The following LAMTOR1 variants were observed in gnomAD, a reference collection of about 807,000 sequenced individuals.
The protein encoded by LAMTOR1 is ragulator complex protein LAMTOR1.
A neutral mutation model predicts 20.5 loss-of-function variants in LAMTOR1; 8 were observed. That is an observed-to-expected ratio of 0.39 (90% CI 0.23 to 0.70). LAMTOR1 has a LOEUF of 0.70. Among genes scored for constraint, LAMTOR1 ranks in the 30% least tolerant of loss-of-function variants. LAMTOR1 has a pLI of 0.43. For synonymous variants in LAMTOR1, 77 were observed against 80.9 expected, an observed-to-expected ratio of 0.95 and a Z score of 0.26; for missense variants, 135 against 206.2, an observed-to-expected ratio of 0.65 and a Z score of 2.11.
intron 1 of LAMTOR1, 150 bp downstream of exon 1, chr11:72,103,033 C>T: frequency 9.3e-7 from 1 of 1,076,634 alleles, no homozygotes; most frequent in Non-Finnish European, 1.4e-6. Flanking sequence ...AGGAGCCCGG[C>T]TTGGCGTCTC....
Position 72,103,283 on chromosome 11 carries a change from C to T in LAMTOR1, c.-59G>A, listed in dbSNP as rs1051260647. 2.0e-6 allele frequency: 3 copies of T among 1,531,062 alleles called. No individual in the cohort carries two copies. Among genetic ancestry groups the T allele is most frequent in the Non-Finnish European group, 2.6e-6 (3 of 1,138,596 alleles). The allele number at this position is 1,531,062 out of a possible 1,614,324, so 94.8% of individuals were successfully genotyped here. A position where few individuals can be genotyped will look rare whatever the true frequency, so the allele number is the denominator to read the frequency against. On this transcript the variant is annotated 5_prime_UTR_variant, in exon 1 of 5. Coordinates refer to ENST00000278671, the MANE Select transcript of LAMTOR1 (RefSeq NM_017907.3). ...GAGGAGGGACGGCGTCCGTGAGGAG[C>T]CCTTCCGGTCACATGACCCGCGGCG...
At chr11:72,102,641 A>G (rs751003174) in intron 1 of LAMTOR1, among the ~76,000 whole-genome samples, 1 of 152,104 alleles carries the variant, frequency 6.6e-6, no homozygotes, top group Non-Finnish European at 1.5e-5. Context: ...CGATGTCCTC[A>G]CTGTATCGAT....
intron 1 of LAMTOR1, among the ~76,000 whole-genome samples, chr11:72,099,977 C>T (rs1305808286): frequency 6.6e-6 from 1 of 152,150 alleles, no homozygotes; most frequent in Non-Finnish European, 1.5e-5. Flanking sequence ...AGCAGTACAG[C>T]TGTAGCCATG....
chr11:72,100,679 C>G lies in LAMTOR1; in HGVS notation c.43-1423G>C, dbSNP rs549933373. On this transcript the variant is annotated intron_variant, in intron 1 of 4. Transcript: ENST00000278671. ...TCAATGCTCCCCTCCAGGCCTATCT[C>G]AGTTCCTCAGTCTTTCCTGCTGCAG... 3.3e-5 allele frequency: 5 copies of G among 152,770 alleles called. No individual in the cohort carries two copies. The East Asian group carries it at 9.6e-4, about 29-fold the overall frequency. The allele number at this position is 152,770 out of a possible 1,614,324, so 9.5% of individuals were successfully genotyped here.
At position 72,097,383 on chromosome 11, in the gene LAMTOR1, A is replaced by T; in HGVS notation, c.*439T>A. On this transcript the variant is annotated 3_prime_UTR_variant, in exon 5 of 5. Transcript: ENST00000278671. ...CCCAGGGTTCTAGAAATACAAACTC[A>T]ATTCATTCAAATTCAAGCTCATCCA... 1 of 999,386 alleles carries T rather than the reference A, an allele frequency of 1.0e-6. No homozygotes were observed. Among genetic ancestry groups the T allele is most frequent in the Non-Finnish European group, 1.2e-6 (1 of 837,682 alleles). 61.9% of individuals were successfully genotyped at this position (999,386 alleles called of 1,614,324 possible).
chr11:72,101,778 AAGG>A (rs1945450162), intron 1 of LAMTOR1, among the ~76,000 whole-genome samples: 1 of 152,074 alleles, frequency 6.6e-6, no homozygotes. Context: ...AGAGCCCCCC[AAGG>A]AGAAGGTAGA....
In LAMTOR1 at chr11:72,099,260, G is replaced by GTCC; in HGVS notation, c.43-5_43-4insGGA. On this transcript the variant is annotated splice_polypyrimidine_tract_variant and splice_region_variant and intron_variant, in intron 1 of 4. Transcript: ENST00000278671. Reference sequence around the variant, plus strand: ...GCAGCTTCCGCTCCTCTCGGTCCTAGAAGTGGTCATGGGAGAGAAGTCAGC... The same window carrying GTCC: ...GCAGCTTCCGCTCCTCTCGGTCCTAGTCCAAGTGGTCATGGGAGAGAAGTCAGC... 1 of 1,556,072 alleles carries GTCC rather than the reference G, an allele frequency of 6.4e-7. No homozygotes were observed. Among genetic ancestry groups the GTCC allele is most frequent in the South Asian group, 1.2e-5 (1 of 82,956 alleles).
chr11:72,099,656 C>A (rs1349409165), intron 1 of LAMTOR1, among the ~76,000 whole-genome samples: 1 of 152,182 alleles, frequency 6.6e-6, no homozygotes, highest in Non-Finnish European at 1.5e-5. Context: ...AAGTCAAGAG[C>A]CCAAGAACAG....
At position 72,098,272 on chromosome 11, in the gene LAMTOR1, G is replaced by A; in HGVS notation, c.393+17C>T. 2 of 1,613,402 alleles carry A rather than the reference G, an allele frequency of 1.2e-6. No homozygotes were observed. The highest frequency in any genetic ancestry group is 1.7e-6 in the Non-Finnish European group (2 of 1,179,832). On this transcript the variant is annotated intron_variant, in intron 4 of 4. Transcript: ENST00000278671. Reference sequence around the variant, plus strand: ...AGTGTGAGAAGGGTGGGCAGGGGCAGGTGAGGGGTGTCTCACCTGCTGCAA... The same window carrying A: ...AGTGTGAGAAGGGTGGGCAGGGGCAAGTGAGGGGTGTCTCACCTGCTGCAA...
chr11:72,098,151 A>G, intron 4 of LAMTOR1, 138 bp downstream of exon 4: 1 of 1,164,920 alleles, frequency 8.6e-7, no homozygotes, highest in Non-Finnish European at 1.2e-6. Context: ...ACGAGGTGGG[A>G]GGGAGCTGGG....
chr11:72,098,600 G>C (rs1945322595), intron 3 of LAMTOR1, 181 bp downstream of exon 3: 5 of 829,378 alleles, frequency 6.0e-6, no homozygotes, highest in Admixed American at 5.6e-5. Context: ...GCCCTCAAGA[G>C]TGTCACAGGG....
intron 1 of LAMTOR1, among the ~76,000 whole-genome samples, chr11:72,102,112 T>C (rs1186838179): frequency 6.6e-6 from 1 of 152,208 alleles, no homozygotes; most frequent in African/African-American, 2.4e-5. Context: ...TTCCTAGGCT[T>C]AAGCCCTTAA....
chr11:72,099,291 G>T (rs762937488), intron 1 of LAMTOR1, 35 bp from the exon 2 acceptor site: 4 of 1,517,968 alleles, frequency 2.6e-6, no homozygotes. Flanking sequence ...TCAGCCCCAG[G>T]ACCCGTAGAT....
At chr11:72,098,472 G>C (rs1945317980) in intron 3 of LAMTOR1, 57 bp from the exon 4 acceptor site, 1 of 1,558,816 alleles carries the variant, frequency 6.4e-7, no homozygotes, top group East Asian at 2.3e-5. Context: ...GCCCTGCCCA[G>C]CCCAGGTAAG....
At position 72,098,852 on chromosome 11, in the gene LAMTOR1, G is replaced by T. The variant is rs1178822050; in HGVS notation, c.195C>A (p.Ile65=). ...SSILAKTASN[I]IDVSAADSQG... ...GTGAGTCTGCAGCAGACACATCAAT[G>T]ATGTTGCTATGGGGAGAGGAGACAG... The change falls in exon 3 of 5, where the codon ATC becomes ATA. Residue 65 remains isoleucine, a synonymous_variant. Transcript: ENST00000278671. 1 of 1,549,848 alleles carries T rather than the reference G, an allele frequency of 6.5e-7. No individual in the cohort carries two copies. The highest frequency in any genetic ancestry group is 1.4e-5 in the African/African-American group (1 of 73,004).
chr11:72,097,304 CT>C lies in LAMTOR1; in HGVS notation c.*517del. On this transcript the variant is annotated 3_prime_UTR_variant, in exon 5 of 5. Coordinates refer to ENST00000278671, the MANE Select transcript of LAMTOR1 (RefSeq NM_017907.3). Reference sequence around the variant, plus strand: ...CAGAACCAGCACATGGATGAATATACTTCCTTTATCGAGGGTGACAAACCAA... The same window carrying C: ...CAGAACCAGCACATGGATGAATATACTCCTTTATCGAGGGTGACAAACCAA... 6 of 995,206 alleles carry C rather than the reference CT, an allele frequency of 6.0e-6. No individual in the cohort carries two copies. The highest frequency in any genetic ancestry group is 7.2e-6 in the Non-Finnish European group (6 of 834,916). 61.6% of individuals were successfully genotyped at this position (995,206 alleles called of 1,614,324 possible).
At chr11:72,099,628 T>C (rs1945366051) in intron 1 of LAMTOR1, among the ~76,000 whole-genome samples, 1 of 152,180 alleles carries the variant, frequency 6.6e-6, no homozygotes, top group Non-Finnish European at 1.5e-5. Context: ...CACTGGGATC[T>C]AAAGGGGAAA....
At chr11:72,098,001 G>T in intron 4 of LAMTOR1, 87 bp from the exon 5 acceptor site, 1 of 1,446,636 alleles carries the variant, frequency 6.9e-7, no homozygotes, top group South Asian at 1.4e-5. Flanking sequence ...ATTAGATGGT[G>T]ATGGAGAAGG....
chr11:72,098,337 G>A lies in LAMTOR1; in HGVS notation c.345C>T (p.Pro115=), dbSNP rs368224100. ...TGGGCTCACTGGCCAGCACTTGGTG[G>A]GGCTGGCTGGTAAGAGACGGCAGCG... ...LPPLPSLTSQ[P]HQVLASEPIP... is the part of the protein sequence containing the mutation. Residue 115 remains proline (P), a synonymous_variant, in exon 4 of 5, where the codon CCC becomes CCT. Coordinates refer to ENST00000278671, the MANE Select transcript of LAMTOR1 (RefSeq NM_017907.3). The A allele has an allele frequency of 3.5e-5, 57 of 1,613,628 alleles. No individual in the cohort carries two copies. The African/African-American group carries it at 7.2e-4, about 20-fold the overall frequency.
Sources: allele counts gnomAD v4.1 joint callset (sites outside exome capture counted in the v4.1 genomes callset), GRCh38; gene constraint gnomAD v4.1.1; transcripts MANE v1.5; gene names NCBI Gene and HGNC (gene_info 2026-07-23, HGNC 2026-07-21).